Variants in SRCIN1 observed in about 807,000 individuals in gnomAD.
SRCIN1 encodes the protein SRC kinase signaling inhibitor 1, also known as P130Cas-associated protein.
SRCIN1 carries 50 observed loss-of-function variants against 116.2 expected under a neutral mutation model. That is an observed-to-expected ratio of 0.43 (90% CI 0.34 to 0.54). SRCIN1 has a LOEUF of 0.54. SRCIN1 is among the 20% of genes least tolerant of loss of function. The pLI is 0.02. For synonymous variants in SRCIN1, 736 were observed against 750.0 expected (o/e 0.98, Z 0.30); for missense variants, 1,446 against 1,672.0 (o/e 0.86, Z 2.36).
intron 18 of SRCIN1, among the ~76,000 whole-genome samples, chr17:38,537,097 G>C (rs1458422174): frequency 6.6e-6 from 1 of 152,148 alleles, no homozygotes; most frequent in African/African-American, 2.4e-5. Flanking sequence ...AAGATCGCTT[G>C]AATCAGGGAG....
Position 38,568,159 on chromosome 17 carries a change from G to T in SRCIN1, c.345+52C>A. The stretch of plus-strand genomic sequence containing the variant: ...CTGTGCAAGGGAGAGGCAGGGGCAG[G>T]GGAGGGAGAGCACATGCAGTTGTCA... On this transcript the variant is annotated intron_variant, in intron 3 of 18. Coordinates refer to ENST00000617146, the MANE Select transcript of SRCIN1 (RefSeq NM_025248.3). This position sits in a 1 kb window ranked among gnomAD's most constrained non-coding sequence, Gnocchi z 4.5. The T allele has an allele frequency of 1.2e-6, 2 of 1,606,692 alleles. No individual in the cohort carries two copies.
intron 1 of SRCIN1, among the ~76,000 whole-genome samples, chr17:38,583,741 C>T (rs985453687): frequency 4.0e-5 from 6 of 151,674 alleles, no homozygotes; most frequent in East Asian, 1.9e-4. Context: ...TTAGTAGAGA[C>T]GGAGTTTCAC....
At position 38,561,799 on chromosome 17, in the gene SRCIN1, G is replaced by A. The variant is rs761147410; in HGVS notation, c.1364C>T (p.Ala455Val). 2.1e-5 allele frequency: 31 copies of A among 1,483,674 alleles called. No homozygotes were observed. The highest frequency in any genetic ancestry group is 1.3e-4 in the South Asian group (10 of 77,906). 91.9% of individuals were successfully genotyped at this position (1,483,674 alleles called of 1,614,324 possible). A position where few individuals can be genotyped will look rare whatever the true frequency, so the allele number is the denominator to read the frequency against. ...GCCGTACAGCGGGCCGCCGCCGCCC[G>A]CCGCCTTGTACAGGGAGTCCTCCAG... Reference protein sequence around the residue: ...SDLEDSLYKAAGGGGPLYGDG... With the variant: ...SDLEDSLYKAVGGGGPLYGDG... The change falls in exon 7 of 19, where the codon GCG (alanine) becomes GTG (valine). Residue 455 changes from alanine (A) to valine (V), a missense_variant. Coordinates refer to ENST00000617146, the MANE Select transcript of SRCIN1 (RefSeq NM_025248.3).
intron 10 of SRCIN1, 196 bp downstream of exon 10, chr17:38,559,389 G>A: frequency 1.7e-6 from 1 of 605,632 alleles, no homozygotes; most frequent in Non-Finnish European, 2.8e-6. Flanking sequence ...GGAAGTGGAG[G>A]TTCAGCGAGG....
At chr17:38,583,548 G>GTTTTTTGT (rs1907935604) in intron 1 of SRCIN1, among the ~76,000 whole-genome samples, 3 of 104,274 alleles carry the variant, frequency 2.9e-5, no homozygotes, top group African/African-American at 7.7e-5. Flanking sequence ...TTCATTTTCT[G>GTTTTTTGT]TTTTTTTTTT....
At chr17:38,596,822 T>C (rs541066838) in intron 1 of SRCIN1, among the ~76,000 whole-genome samples, 1 of 152,246 alleles carries the variant, frequency 6.6e-6, no homozygotes, top group East Asian at 1.9e-4. Context: ...TTCACCTAGC[T>C]ACTGCCTCCA....
chr17:38,557,779 G>A (rs1156371403), intron 11 of SRCIN1, among the ~76,000 whole-genome samples: 1 of 152,202 alleles, frequency 6.6e-6, no homozygotes, highest in South Asian at 2.1e-4. Context: ...CAGAGATCAG[G>A]GAATCGGATC....
Position 38,571,721 on chromosome 17 carries a change from G to A in SRCIN1, c.325-3490C>T, listed in dbSNP as rs575083856. On this transcript the variant is annotated intron_variant, in intron 2 of 18. Transcript: ENST00000617146. The stretch of plus-strand genomic sequence containing the variant: ...TAAAGGAGCTGGGGCAAAATGAGAG[G>A]TGTTCTAAGAAGGTAAGATGGAAGC... 1.2e-4 allele frequency among the ~76,000 whole-genome samples: 18 copies of A among 152,328 alleles called. No homozygotes were observed. In the South Asian group the frequency reaches 3.5e-3, roughly 30 times the overall value.
chr17:38,606,758 T>C (rs1221063160), upstream of SRCIN1, among the ~76,000 whole-genome samples: 1 of 152,044 alleles, frequency 6.6e-6, no homozygotes, highest in Non-Finnish European at 1.5e-5. This position sits in a 1 kb window ranked among gnomAD's most constrained non-coding sequence, Gnocchi z 5.2. Context: ...TTCGTTGGCC[T>C]ACCTGTTGGC....
chr17:38,548,542 T>G lies in SRCIN1; in HGVS notation c.3270+15A>C, dbSNP rs1409244203. On this transcript the variant is annotated intron_variant, in intron 17 of 18. Coordinates refer to ENST00000617146, the MANE Select transcript of SRCIN1 (RefSeq NM_025248.3). ...CCTGGCTGAGACCTTGGGGGCCAGGTGTGCCCTGACCTACCTCTAGCTCTG... is the reference window on the plus strand; with the variant it reads ...CCTGGCTGAGACCTTGGGGGCCAGGGGTGCCCTGACCTACCTCTAGCTCTG... The G allele has an allele frequency of 1.2e-6, 2 of 1,608,276 alleles. No homozygotes were observed. The highest frequency in any genetic ancestry group is 1.3e-5 in the African/African-American group (1 of 74,810).
chr17:38,570,896 G>T (rs768361305), intron 2 of SRCIN1, among the ~76,000 whole-genome samples: 17 of 152,262 alleles, frequency 1.1e-4, no homozygotes, highest in Non-Finnish European at 1.9e-4. Flanking sequence ...TCACTTGGAT[G>T]CATGAGAGAT....
rs1386778846 is a variant in SRCIN1 at position 38,586,552 on chromosome 17, G to T, written c.23-7761C>A. ...ATGGACTCCCTTCCCCAGGGGTGGG[G>T]GTAAGAAGGGGGACTAGGACTGTGG... On this transcript the variant is annotated intron_variant, in intron 1 of 18. Transcript: ENST00000617146. Among the ~76,000 whole-genome samples the T allele has an allele frequency of 3.3e-5, 5 of 152,330 alleles. No individual in the cohort carries two copies. In the East Asian group the frequency reaches 7.7e-4, roughly 24 times the overall value.
chr17:38,573,936 T>C (rs574451640), intron 2 of SRCIN1, among the ~76,000 whole-genome samples: 39 of 152,326 alleles, frequency 2.6e-4, no homozygotes, highest in Admixed American at 2.1e-3. Flanking sequence ...TGCCAATCTG[T>C]TACTAGACTT....
chr17:38,562,324 T>C lies in SRCIN1; in HGVS notation c.839A>G (p.Glu280Gly), dbSNP rs1237369362. The C allele has an allele frequency of 2.0e-6, 3 of 1,468,576 alleles. No homozygotes were observed. The highest frequency in any genetic ancestry group is 3.0e-5 in the East Asian group (1 of 33,896). 91.0% of individuals were successfully genotyped at this position (1,468,576 alleles called of 1,614,324 possible). The change falls in exon 7 of 19, where the codon GAG becomes GGG. Residue 280 changes from glutamate to glycine, a missense_variant. Glu to Gly is a moderately conservative substitution (Grantham distance 98). Around this residue, in one of 5 missense-constraint regions of SRCIN1, gnomAD observed 239 missense variants for 317.7 expected, o/e 0.75. Transcript: ENST00000617146. The surrounding 1 kb of genome is among the most constrained non-coding windows in gnomAD (Gnocchi z 4.2). ...SHLTNGDLRR[E>G]MVYASRESSP... ...GGACTCCCGCGATGCGTACACCATC[T>C]CTCTCTGCGCAGAAGACAGCCCGGA...
Position 38,548,563 on chromosome 17 carries a change from C to T in SRCIN1, c.3264G>A (p.Glu1088=), listed in dbSNP as rs770806721. The change falls in exon 17 of 19, where the codon GAG becomes GAA. Residue 1088 remains glutamate (E), a synonymous_variant. Transcript: ENST00000617146. ...CAGGTGTGCCCTGACCTACCTCTAG[C>T]TCTGCGATGATGCGATCCTCGTCAT... The part of the protein sequence containing the change: ...DEDDEDRIIA[E]LESGGGSVPP... The T allele has an allele frequency of 1.2e-6, 2 of 1,611,400 alleles. No homozygotes were observed. The highest frequency in any genetic ancestry group is 1.7e-6 in the Non-Finnish European group (2 of 1,179,784).
intron 18 of SRCIN1, among the ~76,000 whole-genome samples, chr17:38,534,113 G>A (rs2040966822): frequency 6.6e-6 from 1 of 152,164 alleles, no homozygotes; most frequent in Non-Finnish European, 1.5e-5. Flanking sequence ...CTCATGACTT[G>A]TCCTGCCCTC....
In SRCIN1 at chr17:38,562,657, G is replaced by A. The variant is rs1849016242; in HGVS notation, c.834+170C>T. ...AGCAAAATCCCGAGTGGACAGGCCC[G>A]GAATGGAGGGGAAAGTGGCAGGTGG... On this transcript the variant is annotated intron_variant, in intron 6 of 18. Coordinates refer to ENST00000617146, the MANE Select transcript of SRCIN1 (RefSeq NM_025248.3). The surrounding 1 kb of genome is among the most constrained non-coding windows in gnomAD (Gnocchi z 4.2). 6.6e-6 allele frequency among the ~76,000 whole-genome samples: 1 copy of A among 152,212 alleles called. No homozygotes were observed. The highest frequency in any genetic ancestry group is 2.1e-4 in the South Asian group (1 of 4,832).
intron 3 of SRCIN1, among the ~76,000 whole-genome samples, chr17:38,565,281 T>C (rs8076563): frequency 0.05 from 7,582 of 152,318 alleles, 248 homozygotes; most frequent in Middle Eastern, 0.082. Flanking sequence ...ATCTGGTTGT[T>C]GTACAGAAGC....
At chr17:38,569,773 C>T (rs1906959184) in intron 2 of SRCIN1, among the ~76,000 whole-genome samples, 1 of 152,152 alleles carries the variant, frequency 6.6e-6, no homozygotes, top group Non-Finnish European at 1.5e-5. Flanking sequence ...TGGACTGAGG[C>T]CACCCCCAGT....
Sources: gnomAD v4.1 joint callset for allele counts (sites outside exome capture counted in the v4.1 genomes callset) on GRCh38, gnomAD v4.1.1 for gene constraint, gnomAD v4.1.1 regional missense constraint, Gnocchi (gnomAD v3.1) non-coding constraint, MANE v1.5 for transcripts, NCBI Gene and HGNC (gene_info 2026-07-23, HGNC 2026-07-21) for gene names.